CNOT2: variants seen among roughly 807,000 people sequenced by gnomAD.
The protein encoded by CNOT2 is CCR4-NOT transcription complex subunit 2.
In CNOT2, 7 loss-of-function variants were observed where a neutral mutation model predicts 72.1. That is an observed-to-expected ratio of 0.10 (90% CI 0.06 to 0.18). The LOEUF (loss-of-function observed/expected upper bound fraction) is 0.18, where lower values mean the gene tolerates loss of function less well. Ranked by LOEUF, CNOT2 falls within the 10% of genes least tolerant of loss-of-function variation. CNOT2 has a pLI of 1.00. For missense variants in CNOT2, 345 were observed against 660.3 expected (o/e 0.52, Z 5.23); for synonymous variants, 196 against 225.6 (o/e 0.87, Z 1.17).
At chr12:70,302,700 G>C (rs1367522856) in intron 2 of CNOT2, among the ~76,000 whole-genome samples, 2 of 152,254 alleles carry the variant, frequency 1.3e-5, no homozygotes, top group Admixed American at 1.3e-4. Context: ...CTGTTGATTT[G>C]GGGTGGAGAG....
intron 7 of CNOT2, chr12:70,334,887 T>G (rs1880456850): frequency 6.6e-6 from 1 of 152,550 alleles, no homozygotes. Context: ...TACCCCACCC[T>G]CAAAATGCGC....
At chr12:70,252,217 C>G (rs1958173156) in intron 1 of CNOT2, among the ~76,000 whole-genome samples, 2 of 152,066 alleles carry the variant, frequency 1.3e-5, no homozygotes, top group Admixed American at 1.3e-4. Context: ...AGACAGGTCT[C>G]ACTTTGTCAC....
At chr12:70,329,350 C>T (rs1593248114) in intron 4 of CNOT2, 73 bp from the exon 5 acceptor site, 2 of 1,265,608 alleles carry the variant, frequency 1.6e-6, no homozygotes, top group Admixed American at 1.7e-5. Context: ...TCTTAAATCG[C>T]CAACTCCAGA....
chr12:70,332,292 TGAG>T, intron 6 of CNOT2: 1 of 151,992 alleles, frequency 6.6e-6, no homozygotes, highest in East Asian at 1.9e-4. Context: ...CCTGTGTCCA[TGAG>T]GAGTTTATAT....
chr12:70,317,392 A>G (rs920986329), intron 3 of CNOT2, among the ~76,000 whole-genome samples: 1 of 151,982 alleles, frequency 6.6e-6, no homozygotes, highest in African/African-American at 2.4e-5. Context: ...TTGTTCTTGC[A>G]ATTTGGAAAT....
chr12:70,286,913 C>T (rs1870994467), intron 2 of CNOT2, among the ~76,000 whole-genome samples: 2 of 151,430 alleles, frequency 1.3e-5, no homozygotes, highest in Admixed American at 6.6e-5. Context: ...TTTATGACTA[C>T]TTTTGTTGCT....
chr12:70,279,371 T>A (rs1869421157), intron 2 of CNOT2, among the ~76,000 whole-genome samples: 1 of 152,228 alleles, frequency 6.6e-6, no homozygotes. Flanking sequence ...AATGTCATAT[T>A]TAACCTTTCT....
At chr12:70,276,323 G>A (rs1293331743) in intron 1 of CNOT2, among the ~76,000 whole-genome samples, 3 of 151,870 alleles carry the variant, frequency 2.0e-5, no homozygotes, top group African/African-American at 7.2e-5. Flanking sequence ...TTCTTTTGCT[G>A]ACATTAATAT....
chr12:70,344,306 G>T (rs1456279732), intron 14 of CNOT2, 78 bp downstream of exon 14: 3 of 830,102 alleles, frequency 3.6e-6, no homozygotes, highest in Non-Finnish European at 6.0e-6. Context: ...AGTGATGATG[G>T]CTATCTTTAA....
At chr12:70,335,622 A>G in intron 8 of CNOT2, 59 bp downstream of exon 8, 1 of 1,263,256 alleles carries the variant, frequency 7.9e-7, no homozygotes. Flanking sequence ...GCACACACAT[A>G]TACATTTACA....
intron 2 of CNOT2, among the ~76,000 whole-genome samples, chr12:70,288,731 T>A (rs1053595021): frequency 1.3e-5 from 2 of 152,216 alleles, no homozygotes; most frequent in Admixed American, 1.3e-4. Flanking sequence ...TGATTTTAGT[T>A]GTTATTTAGT....
At chr12:70,284,194 C>T (rs1779260909) in intron 2 of CNOT2, among the ~76,000 whole-genome samples, 1 of 151,646 alleles carries the variant, frequency 6.6e-6, no homozygotes, top group Admixed American at 6.6e-5. Flanking sequence ...GATCCATCTG[C>T]CTCGACCTCC....
chr12:70,252,673 C>G (rs146721131), intron 1 of CNOT2, among the ~76,000 whole-genome samples: 1 of 152,196 alleles, frequency 6.6e-6, no homozygotes, highest in East Asian at 1.9e-4. Flanking sequence ...TGGAACTAAC[C>G]AGCCTGAAAT....
chr12:70,330,364 C>G lies in CNOT2; in HGVS notation c.464C>G (p.Thr155Arg). ...CAGGGCATTGGAATTCCTAGCAGGA[C>G]AAATAGCATGAGCAGTTCAGGGTTA... ...VGQGIGIPSR[T>R]NSMSSSGLGS... Residue 155 changes from threonine (T) to arginine (R), a missense_variant, in exon 6 of 16, where the codon ACA (threonine) becomes AGA (arginine). By Grantham distance (71) the Thr-to-Arg change is moderately conservative. This residue lies in a region of CNOT2 where 157 missense variants were observed against 235.3 expected (regional missense o/e 0.67). Coordinates refer to ENST00000229195, the MANE Select transcript of CNOT2 (RefSeq NM_014515.7). 6.2e-7 allele frequency: 1 copy of G among 1,611,342 alleles called. No individual in the cohort carries two copies. The highest frequency in any genetic ancestry group is 8.5e-7 in the Non-Finnish European group (1 of 1,177,948).
In CNOT2 at chr12:70,279,569, A is replaced by G. The variant is rs190252001; in HGVS notation, c.48+1295A>G. On this transcript the variant is annotated intron_variant, in intron 2 of 15. Coordinates refer to ENST00000229195, the MANE Select transcript of CNOT2 (RefSeq NM_014515.7). The stretch of plus-strand genomic sequence containing the variant: ...CAGGTGTAGCTCCTGCTTCCCACCC[A>G]CTTCCAATTACCTTGACTCATAAGA... Among the ~76,000 whole-genome samples the G allele has an allele frequency of 3.3e-5, 5 of 152,284 alleles. No homozygotes were observed. The South Asian group carries it at 8.3e-4, about 25-fold the overall frequency.
chr12:70,286,613 A>G (rs7308147), intron 2 of CNOT2, among the ~76,000 whole-genome samples: 19,876 of 149,588 alleles, frequency 0.13, 2,426 homozygotes, highest in Admixed American at 0.24. Context: ...GTCTGTGCCT[A>G]TACCAATATC....
chr12:70,259,963 A>G (rs1486333447), intron 1 of CNOT2, among the ~76,000 whole-genome samples: 1 of 152,224 alleles, frequency 6.6e-6, no homozygotes, highest in Non-Finnish European at 1.5e-5. Context: ...CTTCTCTAAA[A>G]TGAGCTGACT....
At chr12:70,281,084 C>CTT (rs200263074) in intron 2 of CNOT2, among the ~76,000 whole-genome samples, 26 of 141,058 alleles carry the variant, frequency 1.8e-4, no homozygotes, top group East Asian at 4.2e-4. Flanking sequence ...ATGGCTTTCC[C>CTT]TTTTTTTTTT....
chr12:70,304,899 G>T (rs990751155), intron 2 of CNOT2, among the ~76,000 whole-genome samples: 8 of 152,222 alleles, frequency 5.3e-5, no homozygotes, highest in African/African-American at 1.9e-4. Context: ...CAGCCTGGCT[G>T]CTGCCTTGCA....
Sources: allele counts gnomAD v4.1 joint callset (sites outside exome capture counted in the v4.1 genomes callset), GRCh38; gene constraint gnomAD v4.1.1; regional missense constraint gnomAD v4.1.1; transcripts MANE v1.5; gene names NCBI Gene and HGNC (gene_info 2026-07-23, HGNC 2026-07-21).